ABCB8: variants seen among roughly 807,000 people sequenced by gnomAD.
The protein encoded by ABCB8 is mitochondrial potassium channel ATP-binding subunit.
ABCB8 carries 52 observed loss-of-function variants against 73.0 expected under a neutral mutation model. That is an observed-to-expected ratio of 0.71 (90% CI 0.57 to 0.90). ABCB8 has a LOEUF of 0.90. Among genes scored for constraint, ABCB8 ranks in the 40% least tolerant of loss-of-function variants. The probability of loss-of-function intolerance (pLI) is 0.00; values close to 1 mark genes in which losing one functional copy is unlikely to be tolerated. For synonymous variants in ABCB8, 428 were observed against 423.5 expected (o/e 1.01, Z -0.13); for missense variants, 909 against 974.6 (o/e 0.93, Z 0.90).
Position 151,036,095 on chromosome 7 carries a change from G to A in ABCB8, c.1036G>A (p.Ala346Thr), listed in dbSNP as rs771410792. The change falls in exon 8 of 16, where the codon GCC becomes ACC. Residue 346 changes from alanine to threonine, a missense_variant. Coordinates refer to ENST00000358849, the MANE Select transcript of ABCB8 (RefSeq NM_007188.5). Reference sequence around the variant, plus strand: ...CAGGCGCTATGGGGCAGAGCTGGAAGCCTGCCGCTGCCGGGCAGAGGAGCT... The same window carrying A: ...CAGGCGCTATGGGGCAGAGCTGGAAACCTGCCGCTGCCGGGCAGAGGAGCT... ...EEERYGAELE[A>T]CRCRAEELGR... 6.2e-7 allele frequency: 1 copy of A among 1,612,826 alleles called. No individual in the cohort carries two copies. The highest frequency in any genetic ancestry group is 8.5e-7 in the Non-Finnish European group (1 of 1,179,892).
At chr7:151,043,828 G>A in intron 14 of ABCB8, 143 bp from the exon 15 acceptor site, 1 of 1,190,650 alleles carries the variant, frequency 8.4e-7, no homozygotes, top group Admixed American at 2.0e-5. Context: ...GCGGGGTGGG[G>A]GTCAGAGGCA....
In ABCB8 at chr7:151,045,432, G is replaced by T. The variant is rs562252883; in HGVS notation, c.*83G>T. The T allele has an allele frequency of 1.0e-4, 143 of 1,365,816 alleles. No homozygotes were observed. The African/African-American group carries it at 2.0e-3, about 19-fold the overall frequency. The allele number at this position is 1,365,816 out of a possible 1,614,324, so 84.6% of individuals were successfully genotyped here. The stretch of plus-strand genomic sequence containing the variant: ...CCTGGGGGAGCCTACTGGGGACTGA[G>T]CCCCCAGGAGGGCCAGCATGTGGAG... On this transcript the variant is annotated 3_prime_UTR_variant, in exon 16 of 16. Transcript: ENST00000358849.
intron 1 of ABCB8, 84 bp downstream of exon 1, chr7:151,028,694 G>C: frequency 1.3e-6 from 2 of 1,564,934 alleles, no homozygotes; most frequent in South Asian, 1.2e-5. Flanking sequence ...GAGTCCACGA[G>C]CTTGCGCGAG....
At chr7:151,031,385 T>G (rs1275163097) in intron 1 of ABCB8, 9 of 1,476,102 alleles carry the variant, frequency 6.1e-6, no homozygotes, top group African/African-American at 1.4e-5. Context: ...GAAGGCCTCA[T>G]GTAGGCAAAA....
Position 151,045,381 on chromosome 7 carries a change from G to C in ABCB8, c.*32G>C. ...CCCCCTGAGGTGTGGTCGCTGCCAA[G>C]CATCAGTGTTAGGGCTGGGGCTCAG... On this transcript the variant is annotated 3_prime_UTR_variant, in exon 16 of 16. Coordinates refer to ENST00000358849, the MANE Select transcript of ABCB8 (RefSeq NM_007188.5). The C allele has an allele frequency of 1.3e-6, 2 of 1,495,562 alleles. No individual in the cohort carries two copies. Among genetic ancestry groups the C allele is most frequent in the Non-Finnish European group, 8.9e-7 (1 of 1,119,440 alleles). The allele number at this position is 1,495,562 out of a possible 1,614,324, so 92.6% of individuals were successfully genotyped here. A position where few individuals can be genotyped will look rare whatever the true frequency, so the allele number is the denominator to read the frequency against.
In ABCB8 at chr7:151,044,082, A is replaced by G. The variant is rs1563306406; in HGVS notation, c.1877A>G (p.Asp626Gly). Residue 626 changes from aspartate (D) to glycine (G), a missense_variant, in exon 15 of 16, where the codon GAT becomes GGT. Transcript: ENST00000358849. ...LILDEATSAL[D>G]AESERVVQEA... ...CTGGATGAAGCTACCAGCGCGCTGGATGCAGAGTCCGAGCGGGTTGTACAG... is the reference window on the plus strand; with the variant it reads ...CTGGATGAAGCTACCAGCGCGCTGGGTGCAGAGTCCGAGCGGGTTGTACAG... 1.2e-6 allele frequency: 2 copies of G among 1,613,802 alleles called. No individual in the cohort carries two copies. Among genetic ancestry groups the G allele is most frequent in the Non-Finnish European group, 8.5e-7 (1 of 1,179,984 alleles).
intron 8 of ABCB8, 92 bp downstream of exon 8, chr7:151,036,262 C>A: frequency 7.8e-7 from 1 of 1,289,580 alleles, no homozygotes; most frequent in Non-Finnish European, 1.1e-6. Flanking sequence ...CCTTCATCTG[C>A]TGGCTGCCTG....
At chr7:151,041,369 A>G in intron 13 of ABCB8, 137 bp downstream of exon 13, 10 of 1,225,082 alleles carry the variant, frequency 8.2e-6, no homozygotes, top group Non-Finnish European at 9.9e-6. Context: ...CCGTCTTCAC[A>G]TGTCCTCAGC....
chr7:151,041,669 C>T (rs1416101283), intron 13 of ABCB8, among the ~76,000 whole-genome samples: 1 of 152,136 alleles, frequency 6.6e-6, no homozygotes, highest in Non-Finnish European at 1.5e-5. Context: ...AGTGCCTGTG[C>T]AGAAGAAAGG....
rs1140978 is a variant in ABCB8 at position 151,035,739 on chromosome 7, G to A, written c.924G>A (p.Glu308=). The A allele has an allele frequency of 1.9e-6, 3 of 1,612,692 alleles. No homozygotes were observed. The South Asian group carries it at 3.3e-5, about 18-fold the overall frequency. ...GAAAATTGTCTCGCCAGTGTCAGGA[G>A]CAGGTACCGGCATTCCTGGCCATCC... ...GLRKLSRQCQ[E]QIARAMGVAD... is the part of the protein sequence containing the mutation. Residue 308 remains glutamate, a synonymous_variant, in exon 6 of 16, where the codon GAG becomes GAA. Transcript: ENST00000358849.
rs1482561289 is a variant in ABCB8, at chr7:151,041,184, C to T, written c.1569C>T (p.Thr523=). Residue 523 remains threonine, a synonymous_variant, in exon 13 of 16, where the codon ACC becomes ACT. Coordinates refer to ENST00000358849, the MANE Select transcript of ABCB8 (RefSeq NM_007188.5). ...VVMLDGRDLR[T]LDPSWLRGQV... ...TGCTGGATGGGCGGGACCTGCGCACCCTTGACCCCTCCTGGCTCCGGGGCC... is the reference window on the plus strand; with the variant it reads ...TGCTGGATGGGCGGGACCTGCGCACTCTTGACCCCTCCTGGCTCCGGGGCC... The T allele has an allele frequency of 8.7e-6, 14 of 1,609,058 alleles. No homozygotes were observed. Among genetic ancestry groups the T allele is most frequent in the African/African-American group, 2.7e-5 (2 of 74,954 alleles).
chr7:151,041,265 A>G (rs1487136400), intron 13 of ABCB8, 33 bp downstream of exon 13: 3 of 1,577,150 alleles, frequency 1.9e-6, no homozygotes, highest in Middle Eastern at 1.7e-4. Context: ...CTTGGCTCCC[A>G]CTGCCCGTCC....
In ABCB8 at chr7:151,040,494, A is replaced by G; in HGVS notation, c.1252-4A>G. 6.2e-7 allele frequency: 1 copy of G among 1,608,232 alleles called. No homozygotes were observed. The highest frequency in any genetic ancestry group is 8.5e-7 in the Non-Finnish European group (1 of 1,176,262). ...CCCTGCGGACTTTGGATCCCCTCCC[A>G]CAGGTGGTCCGGGGGCTGAGTGCAG... On this transcript the variant is annotated splice_region_variant and splice_polypyrimidine_tract_variant and intron_variant, in intron 10 of 15. Transcript: ENST00000358849.
intron 8 of ABCB8, 42 bp downstream of exon 8, chr7:151,036,212 G>A: frequency 5.8e-6 from 9 of 1,555,474 alleles, no homozygotes; most frequent in Non-Finnish European, 7.9e-6. Context: ...CTTGTGGGCT[G>A]GGGAGGAGCT....
chr7:151,035,329 G>A (rs1796273144), intron 5 of ABCB8, among the ~76,000 whole-genome samples: 1 of 152,204 alleles, frequency 6.6e-6, no homozygotes, highest in East Asian at 1.9e-4. Flanking sequence ...GAAGCAAGCT[G>A]GGATTTGTCT....
intron 14 of ABCB8, 57 bp downstream of exon 14, chr7:151,042,165 ACAGGAG>A: frequency 1.9e-6 from 3 of 1,600,296 alleles, no homozygotes; most frequent in Non-Finnish European, 2.6e-6. Flanking sequence ...ACAGGATTCC[ACAGGAG>A]CAGTGAGCAG....
At chr7:151,042,208 C>A in intron 14 of ABCB8, 100 bp downstream of exon 14, 2 of 1,513,014 alleles carry the variant, frequency 1.3e-6, no homozygotes, top group African/African-American at 1.4e-5. Context: ...GCAGCAGGGA[C>A]AGCTGGGGAG....
intron 1 of ABCB8, chr7:151,029,043 G>T: frequency 2.6e-6 from 3 of 1,148,304 alleles, no homozygotes; most frequent in Non-Finnish European, 3.3e-6. Context: ...AATCTAATAG[G>T]CCGGGCGCGG....
chr7:151,034,458 C>A, intron 3 of ABCB8, 30 bp downstream of exon 3: 22 of 1,613,688 alleles, frequency 1.4e-5, no homozygotes, highest in Non-Finnish European at 1.9e-5. Flanking sequence ...TGGGGACCGC[C>A]GAGGAGCCAC....
Sources: allele counts gnomAD v4.1 joint callset (sites outside exome capture counted in the v4.1 genomes callset), GRCh38; gene constraint gnomAD v4.1.1; transcripts MANE v1.5; gene names NCBI Gene and HGNC (gene_info 2026-07-23, HGNC 2026-07-21).